Variants in CNOT2 observed in about 807,000 individuals in gnomAD.
CNOT2 encodes the protein CC chemokine receptor 4-negative regulator of transcription 2.
CNOT2 carries 7 observed loss-of-function variants against 72.1 expected under a neutral mutation model. The observed-to-expected ratio is 0.10, with a 90% CI of 0.06 to 0.18. The LOEUF is 0.18. CNOT2 is among the 10% of genes least tolerant of loss of function. The probability of loss-of-function intolerance (pLI) is 1.00; values close to 1 mark genes in which losing one functional copy is unlikely to be tolerated. For synonymous variants in CNOT2, 196 were observed against 225.6 expected (o/e 0.87, Z 1.17); for missense variants, 345 against 660.3 (o/e 0.52, Z 5.23).
chr12:70,324,276 A>G (rs1277520324), intron 4 of CNOT2: 1 of 151,838 alleles, frequency 6.6e-6, no homozygotes, highest in East Asian at 1.9e-4. Context: ...TTGGGTGCCT[A>G]CAATGAATGA....
At chr12:70,351,951 T>G (rs1032772470) in intron 15 of CNOT2, among the ~76,000 whole-genome samples, 1 of 152,196 alleles carries the variant, frequency 6.6e-6, no homozygotes, top group African/African-American at 2.4e-5. Flanking sequence ...TGTGTCTTAA[T>G]TACTGTACCA....
intron 2 of CNOT2, among the ~76,000 whole-genome samples, chr12:70,302,430 G>T (rs554779623): frequency 6.6e-6 from 1 of 151,242 alleles, no homozygotes; most frequent in Non-Finnish European, 1.5e-5. Context: ...TGTTCTCGTT[G>T]GTTTCAAAGA....
At chr12:70,256,414 T>C (rs925834547) in intron 1 of CNOT2, among the ~76,000 whole-genome samples, 1 of 152,172 alleles carries the variant, frequency 6.6e-6, no homozygotes, top group East Asian at 1.9e-4. Context: ...GAAGATTCTT[T>C]TGTAATAGAA....
chr12:70,270,564 C>T (rs1283982876), intron 1 of CNOT2, among the ~76,000 whole-genome samples: 1 of 152,102 alleles, frequency 6.6e-6, no homozygotes, highest in South Asian at 2.1e-4. Flanking sequence ...TAGTTGCCTT[C>T]TTCCTCCTCA....
At chr12:70,300,783 G>T (rs185954434) in intron 2 of CNOT2, among the ~76,000 whole-genome samples, 1,686 of 152,230 alleles carry the variant, frequency 0.011, 26 homozygotes, top group South Asian at 0.051. Context: ...TGATGGGGAT[G>T]GCATTGAATC....
chr12:70,353,913 T>TCAA lies in CNOT2; in HGVS notation c.1621_1622insCAA (p.Ter541delinsSerLys). 7.8e-7 allele frequency: 1 copy of TCAA among 1,274,548 alleles called. No individual in the cohort carries two copies. Among genetic ancestry groups the TCAA allele is most frequent in the Admixed American group, 4.1e-5 (1 of 24,568 alleles). 79.0% of individuals were successfully genotyped at this position (1,274,548 alleles called of 1,614,324 possible). A position where few individuals can be genotyped will look rare whatever the true frequency, so the allele number is the denominator to read the frequency against. On this transcript the variant is annotated stop_lost, in exon 16 of 16. Transcript: ENST00000229195. ...CTACAACCCTGCTCAGCAAGCCTTCTAAAAAAAAAAAAAAAAAAAAAAAAA... is the reference window on the plus strand; with the variant it reads ...CTACAACCCTGCTCAGCAAGCCTTCTCAAAAAAAAAAAAAAAAAAAAAAAAAAA...
At chr12:70,251,592 G>A (rs1046711417) in intron 1 of CNOT2, among the ~76,000 whole-genome samples, 5 of 152,192 alleles carry the variant, frequency 3.3e-5, no homozygotes, top group African/African-American at 1.2e-4. Flanking sequence ...TGTTTCAGGG[G>A]AAAGTTTAGA....
chr12:70,300,891 T>G (rs1440733373), intron 2 of CNOT2, among the ~76,000 whole-genome samples: 1 of 152,210 alleles, frequency 6.6e-6, no homozygotes, highest in Non-Finnish European at 1.5e-5. Context: ...CCTCTTTTAT[T>G]TCATTGAGCA....
intron 1 of CNOT2, among the ~76,000 whole-genome samples, chr12:70,258,523 G>A (rs1958564737): frequency 6.6e-6 from 1 of 152,154 alleles, no homozygotes; most frequent in Non-Finnish European, 1.5e-5. Flanking sequence ...TTTAGGTATT[G>A]TATTAGATAT....
chr12:70,257,400 G>A (rs1238902772), intron 1 of CNOT2, among the ~76,000 whole-genome samples: 1 of 123,920 alleles, frequency 8.1e-6, no homozygotes, highest in Non-Finnish European at 1.6e-5. Flanking sequence ...TCGCTCTTTC[G>A]CCCAGGCTGG....
intron 15 of CNOT2, chr12:70,347,497 G>C (rs1882332094): frequency 6.6e-6 from 1 of 152,246 alleles, no homozygotes; most frequent in Non-Finnish European, 1.5e-5. Context: ...GCTGGGCCTG[G>C]TGGAGGGTGC....
At chr12:70,346,144 GA>G (rs750294683) in intron 14 of CNOT2, 35 bp from the exon 15 acceptor site, 4 of 1,482,000 alleles carry the variant, frequency 2.7e-6, no homozygotes, top group Non-Finnish European at 3.7e-6. Flanking sequence ...TAAGCCACAG[GA>G]AAAAGTTAAT....
At position 70,329,546 on chromosome 12, in the gene CNOT2, T is replaced by C; in HGVS notation, c.362T>C (p.Leu121Pro). Reference sequence around the variant, plus strand: ...ACAACAGGGGTACCAACAATGTCACTTCACACGCCTCCATCTCCAAGCAGG... The same window carrying C: ...ACAACAGGGGTACCAACAATGTCACCTCACACGCCTCCATCTCCAAGCAGG... ...TPTTGVPTMSLHTPPSPSRGI... is the reference protein window; with the variant it reads ...TPTTGVPTMSPHTPPSPSRGI... The change falls in exon 5 of 16, where the codon CTT (leucine) becomes CCT (proline). Residue 121 changes from leucine (L) to proline (P), a missense_variant. By Grantham distance (98) the Leu-to-Pro change is moderately conservative. Coordinates refer to ENST00000229195, the MANE Select transcript of CNOT2 (RefSeq NM_014515.7). 1 of 1,610,972 alleles carries C rather than the reference T, an allele frequency of 6.2e-7. No homozygotes were observed. The highest frequency in any genetic ancestry group is 8.5e-7 in the Non-Finnish European group (1 of 1,177,612).
At chr12:70,254,508 T>C (rs1161899871) in intron 1 of CNOT2, among the ~76,000 whole-genome samples, 1 of 152,150 alleles carries the variant, frequency 6.6e-6, no homozygotes, top group Non-Finnish European at 1.5e-5. Flanking sequence ...ATTTTCCATG[T>C]AATATTTTTG....
intron 2 of CNOT2, among the ~76,000 whole-genome samples, chr12:70,289,006 C>T (rs1467606055): frequency 2.0e-5 from 3 of 151,684 alleles, no homozygotes; most frequent in Non-Finnish European, 4.4e-5. Flanking sequence ...TTTCTTCTCT[C>T]CTTTCGCTTT....
intron 13 of CNOT2, among the ~76,000 whole-genome samples, chr12:70,343,111 C>T (rs1018258012): frequency 2.6e-5 from 4 of 152,042 alleles, no homozygotes; most frequent in Admixed American, 6.5e-5. Flanking sequence ...TTTCTATTTG[C>T]GGATTGTGTG....
At chr12:70,339,060 G>GTA (rs1167840902) in intron 11 of CNOT2, among the ~76,000 whole-genome samples, 1 of 134,556 alleles carries the variant, frequency 7.4e-6, no homozygotes, top group African/African-American at 3.1e-5. Context: ...GCATGTGCAT[G>GTA]TATATATGTG....
At chr12:70,326,145 T>C (rs1179462700) in intron 4 of CNOT2, among the ~76,000 whole-genome samples, 1 of 151,836 alleles carries the variant, frequency 6.6e-6, no homozygotes, top group Non-Finnish European at 1.5e-5. Context: ...ATAGTCCTCC[T>C]AATATTGTGT....
chr12:70,308,569 C>G (rs1044152705), intron 2 of CNOT2, among the ~76,000 whole-genome samples: 3 of 142,392 alleles, frequency 2.1e-5, no homozygotes, highest in Non-Finnish European at 4.5e-5. Flanking sequence ...CTCTCTCTCT[C>G]TCTCTCTCTC....
Sources: allele counts gnomAD v4.1 joint callset (sites outside exome capture counted in the v4.1 genomes callset), GRCh38; gene constraint gnomAD v4.1.1; transcripts MANE v1.5; gene names NCBI Gene and HGNC (gene_info 2026-07-23, HGNC 2026-07-21).